TSC22D1: variants seen among roughly 807,000 people sequenced by gnomAD.
TSC22D1 encodes TSC22 domain family protein 1.
In TSC22D1, 9 loss-of-function variants were observed where a neutral mutation model predicts 74.2. The ratio of observed to expected loss-of-function variants is 0.12; its 90% CI spans 0.07 to 0.21. The LOEUF (loss-of-function observed/expected upper bound fraction) is 0.21. Among genes scored for constraint, TSC22D1 ranks in the 10% least tolerant of loss-of-function variants. The pLI, the probability that TSC22D1 is intolerant of heterozygous loss-of-function variation, is 1.00. For missense variants in TSC22D1, 1,427 were observed against 1,304.7 expected (o/e 1.09, Z -1.44); for synonymous variants, 586 against 492.5 (o/e 1.19, Z -2.51).
chr13:44,461,277 G>A (rs528054963), intron 1 of TSC22D1, among the ~76,000 whole-genome samples: 1 of 152,242 alleles, frequency 6.6e-6, no homozygotes, highest in South Asian at 2.1e-4. Context: ...ATGAACTCAG[G>A]TTTTTCTGAC....
intron 1 of TSC22D1, chr13:44,474,348 A>C: frequency 1.1e-6 from 1 of 896,230 alleles, no homozygotes; most frequent in African/African-American, 1.8e-5. Context: ...AAGTAGTCCC[A>C]AAATTCCATC....
chr13:44,480,682 T>C (rs1359298050), intron 1 of TSC22D1, among the ~76,000 whole-genome samples: 2 of 152,180 alleles, frequency 1.3e-5, no homozygotes, highest in Non-Finnish European at 2.9e-5. Context: ...CAAGTAGATA[T>C]GTTCACAGGG....
At chr13:44,446,577 C>T (rs577377018) in intron 1 of TSC22D1, among the ~76,000 whole-genome samples, 1 of 152,134 alleles carries the variant, frequency 6.6e-6, no homozygotes, top group African/African-American at 2.4e-5. Context: ...AACCCCAAGA[C>T]TCAGCATCAC....
intron 1 of TSC22D1, among the ~76,000 whole-genome samples, chr13:44,522,344 A>G (rs527567814): frequency 2.6e-5 from 4 of 152,320 alleles, no homozygotes; most frequent in African/African-American, 9.6e-5. Flanking sequence ...TTGTTTGTAT[A>G]AAGGAAAGCA....
chr13:44,517,917 AG>A (rs1289704409), intron 1 of TSC22D1, among the ~76,000 whole-genome samples: 1 of 130,476 alleles, frequency 7.7e-6, no homozygotes, highest in East Asian at 2.3e-4. Flanking sequence ...GTGCATTGGC[AG>A]GATCACAGCT....
At chr13:44,531,662 T>A (rs1390361659) in intron 1 of TSC22D1, among the ~76,000 whole-genome samples, 3 of 152,208 alleles carry the variant, frequency 2.0e-5, no homozygotes, top group Non-Finnish European at 4.4e-5. Flanking sequence ...CAAATTGGGG[T>A]ATCTATACCC....
chr13:44,438,957 A>T (rs1874965950), intron 1 of TSC22D1, among the ~76,000 whole-genome samples: 1 of 152,234 alleles, frequency 6.6e-6, no homozygotes, highest in South Asian at 2.1e-4. Flanking sequence ...AAAGAGCTTT[A>T]AAAAACAAAA....
chr13:44,453,164 T>C (rs1595088343), intron 1 of TSC22D1, among the ~76,000 whole-genome samples: 1 of 152,384 alleles, frequency 6.6e-6, no homozygotes, highest in East Asian at 1.9e-4. Flanking sequence ...GTGTCTCCCT[T>C]TAACCTTCTC....
chr13:44,494,367 C>A (rs1878862708), intron 1 of TSC22D1, among the ~76,000 whole-genome samples: 1 of 97,000 alleles, frequency 1.0e-5, no homozygotes, highest in Non-Finnish European at 1.9e-5. Flanking sequence ...CAGACCAAGA[C>A]TCCGTATCAA....
intron 1 of TSC22D1, among the ~76,000 whole-genome samples, chr13:44,498,922 A>T (rs1255306422): frequency 6.6e-6 from 1 of 152,248 alleles, no homozygotes. Context: ...CTTCTTATTA[A>T]AAAAACTGAA....
chr13:44,475,785 A>T (rs1436081777), intron 1 of TSC22D1, among the ~76,000 whole-genome samples: 1 of 152,190 alleles, frequency 6.6e-6, no homozygotes, highest in African/African-American at 2.4e-5. Flanking sequence ...TTAAATCAAT[A>T]TAATAGTGAA....
intron 1 of TSC22D1, among the ~76,000 whole-genome samples, chr13:44,525,519 T>C (rs1467118971): frequency 4.6e-5 from 7 of 151,822 alleles, no homozygotes; most frequent in African/African-American, 1.5e-4. Context: ...AACCCAGGAG[T>C]TGAAGGCTGC....
At chr13:44,489,776 T>C in intron 1 of TSC22D1, among the ~76,000 whole-genome samples, 1 of 152,222 alleles carries the variant, frequency 6.6e-6, no homozygotes, top group East Asian at 1.9e-4. Context: ...TGCCTATTGA[T>C]AGATCTATGC....
At chr13:44,445,833 C>T (rs1875590615) in intron 1 of TSC22D1, among the ~76,000 whole-genome samples, 1 of 152,166 alleles carries the variant, frequency 6.6e-6, no homozygotes, top group East Asian at 1.9e-4. Flanking sequence ...TACCACTACA[C>T]ACCTATCAGA....
intron 1 of TSC22D1, among the ~76,000 whole-genome samples, chr13:44,525,034 G>A (rs932339971): frequency 6.6e-5 from 10 of 152,150 alleles, no homozygotes; most frequent in African/African-American, 1.7e-4. Context: ...AACCAACAGC[G>A]GGTATATCAA....
chr13:44,537,363 T>C, intron 1 of TSC22D1: 4 of 985,126 alleles, frequency 4.1e-6, no homozygotes, highest in Non-Finnish European at 2.4e-6. Flanking sequence ...ATGAGGTGAC[T>C]AGAAATGCAC....
At chr13:44,469,542 G>C (rs1313013072) in intron 1 of TSC22D1, among the ~76,000 whole-genome samples, 1 of 152,170 alleles carries the variant, frequency 6.6e-6, no homozygotes, top group East Asian at 1.9e-4. Flanking sequence ...GAAGTTCAGA[G>C]TTAGTTTTAG....
intron 1 of TSC22D1, among the ~76,000 whole-genome samples, chr13:44,529,884 A>G (rs1213236396): frequency 6.6e-6 from 1 of 152,128 alleles, no homozygotes; most frequent in Non-Finnish European, 1.5e-5. Context: ...TATAAGGTCT[A>G]TATAAGGAAA....
intron 1 of TSC22D1, among the ~76,000 whole-genome samples, chr13:44,542,508 T>C (rs1881538810): frequency 6.6e-6 from 1 of 152,110 alleles, no homozygotes; most frequent in South Asian, 2.1e-4. Context: ...AAGGTTAAGT[T>C]ACACAACAAG....
Sources: allele counts gnomAD v4.1 joint callset (sites outside exome capture counted in the v4.1 genomes callset), GRCh38; gene constraint gnomAD v4.1.1; transcripts MANE v1.5; gene names NCBI Gene and HGNC (gene_info 2026-07-23, HGNC 2026-07-21).